The following FHL2 variants were observed in gnomAD, a reference collection of about 807,000 sequenced individuals.
FHL2 encodes the protein four and a half LIM domains protein 2.
Under a neutral mutation model 32.7 loss-of-function variants are expected in FHL2, and 20 were observed. The ratio of observed to expected loss-of-function variants is 0.61; its 90% CI spans 0.43 to 0.89. The LOEUF is 0.89. Ranked by LOEUF, FHL2 falls within the 40% of genes least tolerant of loss-of-function variation. The pLI is 0.00. For synonymous variants in FHL2, 123 were observed against 128.1 expected (o/e 0.96, Z 0.27); for missense variants, 311 against 358.6 (o/e 0.87, Z 1.07).
intron 3 of FHL2, among the ~76,000 whole-genome samples, chr2:105,384,331 G>T (rs1487743865): frequency 2.6e-5 from 4 of 152,188 alleles, no homozygotes; most frequent in Non-Finnish European, 2.9e-5. Flanking sequence ...AGAGGGTGAA[G>T]CTTCTGAAAG....
At chr2:105,401,904 T>C (rs1573383322), upstream of FHL2, among the ~76,000 whole-genome samples, 1 of 151,454 alleles carries the variant, frequency 6.6e-6, no homozygotes, top group South Asian at 2.1e-4. Flanking sequence ...GGTCATGGGG[T>C]GGAAAGGAGA....
At chr2:105,434,265 G>A (rs1032326668) in intron 1 of FHL2, among the ~76,000 whole-genome samples, 5 of 152,186 alleles carry the variant, frequency 3.3e-5, no homozygotes, top group African/African-American at 4.8e-5. Flanking sequence ...CAACTGGATC[G>A]GAAAGTACTG....
intron 1 of FHL2, among the ~76,000 whole-genome samples, chr2:105,419,264 A>G (rs1684027944): frequency 6.6e-6 from 1 of 152,148 alleles, no homozygotes. Context: ...TTACGTAAGT[A>G]AGTTCTTTAG....
intron 4 of FHL2, among the ~76,000 whole-genome samples, chr2:105,371,936 G>A (rs1262721460): frequency 1.3e-5 from 2 of 151,996 alleles, no homozygotes; most frequent in Non-Finnish European, 1.5e-5. Context: ...GCACAGCACT[G>A]GGGCCCGAGT....
At chr2:105,437,132 AC>A (rs1684636463) in intron 1 of FHL2, among the ~76,000 whole-genome samples, 1 of 152,144 alleles carries the variant, frequency 6.6e-6, no homozygotes. Context: ...CAGTCAGGGA[AC>A]CCCGTATTGG....
chr2:105,373,499 G>A (rs767256318), intron 4 of FHL2, 60 bp downstream of exon 4: 28 of 1,581,978 alleles, frequency 1.8e-5, no homozygotes, highest in African/African-American at 2.7e-5. Flanking sequence ...GGGGTCAGAG[G>A]AACGTGCACA....
intron 3 of FHL2, 23 bp downstream of exon 3, chr2:105,386,338 C>G: frequency 1.9e-6 from 3 of 1,610,228 alleles, no homozygotes; most frequent in Non-Finnish European, 1.7e-6. Flanking sequence ...CGCCGGGGAC[C>G]CGCAGAGGCC....
intron 6 of FHL2, 124 bp downstream of exon 6, chr2:105,363,161 G>T: frequency 1.2e-6 from 1 of 855,140 alleles, no homozygotes; most frequent in Non-Finnish European, 1.8e-6. Flanking sequence ...AGAAAAGTCT[G>T]CTGTGTTCAG....
rs183756866 is a variant in FHL2, at chr2:105,360,951, G to A, written c.*332C>T. 1.3e-3 allele frequency: 239 copies of A among 188,848 alleles called. No individual in the cohort carries two copies. The highest frequency in any genetic ancestry group is 2.1e-3 in the Non-Finnish European group (196 of 91,856). 11.7% of individuals were successfully genotyped at this position (188,848 alleles called of 1,614,324 possible). A position where few individuals can be genotyped will look rare whatever the true frequency, so the allele number is the denominator to read the frequency against. Reference sequence around the variant, plus strand: ...TTGAGTTTAGAAAACTTTCAAGTTCGTGACATATGTTAATTGCACTTAAAT... The same window carrying A: ...TTGAGTTTAGAAAACTTTCAAGTTCATGACATATGTTAATTGCACTTAAAT... On this transcript the variant is annotated 3_prime_UTR_variant, in exon 7 of 7. Transcript: ENST00000530340.
chr2:105,385,434 A>T (rs1682233172), intron 3 of FHL2, among the ~76,000 whole-genome samples: 1 of 152,212 alleles, frequency 6.6e-6, no homozygotes, highest in South Asian at 2.1e-4. Flanking sequence ...ACGACCAGGG[A>T]GGAGAGCAGC....
intron 3 of FHL2, chr2:105,378,447 C>A (rs1055572263): frequency 1.3e-4 from 38 of 284,992 alleles, no homozygotes; most frequent in African/African-American, 7.8e-4. Flanking sequence ...AACCATTTCG[C>A]CTTGGCTCCT....
chr2:105,408,975 G>A (rs1211240363), intron 1 of FHL2, among the ~76,000 whole-genome samples: 1 of 152,182 alleles, frequency 6.6e-6, no homozygotes, highest in Non-Finnish European at 1.5e-5. Flanking sequence ...GCTGAGCCAA[G>A]GCAGCACCAG....
chr2:105,401,392 G>A (rs1452579368), upstream of FHL2, among the ~76,000 whole-genome samples: 5 of 152,132 alleles, frequency 3.3e-5, no homozygotes, highest in Non-Finnish European at 7.4e-5. Flanking sequence ...GTGGATAATC[G>A]CTGAAGCTTG....
chr2:105,402,109 G>A (rs1226615746), upstream of FHL2, among the ~76,000 whole-genome samples: 4 of 141,896 alleles, frequency 2.8e-5, no homozygotes, highest in African/African-American at 5.3e-5. Flanking sequence ...ATATATACAC[G>A]TATATATACA....
intron 4 of FHL2, among the ~76,000 whole-genome samples, chr2:105,371,662 T>G (rs549060087): frequency 7.9e-5 from 12 of 152,158 alleles, no homozygotes; most frequent in Admixed American, 4.6e-4. Context: ...TCAAGACAGG[T>G]GAAAAATTCA....
At chr2:105,415,935 T>C (rs1452378779) in intron 1 of FHL2, among the ~76,000 whole-genome samples, 1 of 152,166 alleles carries the variant, frequency 6.6e-6, no homozygotes, top group Non-Finnish European at 1.5e-5. Flanking sequence ...ACAATAGGAA[T>C]AGATGGGGAA....
chr2:105,409,593 A>G (rs143261432), intron 1 of FHL2, among the ~76,000 whole-genome samples: 7 of 152,332 alleles, frequency 4.6e-5, no homozygotes, highest in South Asian at 2.1e-4. Context: ...CTTAGGATCA[A>G]TGCTACCATT....
intron 1 of FHL2, among the ~76,000 whole-genome samples, chr2:105,413,516 C>T (rs995119487): frequency 3.3e-5 from 5 of 152,108 alleles, no homozygotes; most frequent in Non-Finnish European, 2.9e-5. Flanking sequence ...CAGGGTTACC[C>T]GGGCTGGAGT....
chr2:105,366,785 G>A (rs553353839), intron 5 of FHL2, among the ~76,000 whole-genome samples: 42 of 152,182 alleles, frequency 2.8e-4, no homozygotes, highest in African/African-American at 7.7e-4. Context: ...TCGCTCAGTC[G>A]CCCAGGCTGG....
Sources: gnomAD v4.1 joint callset for allele counts (sites outside exome capture counted in the v4.1 genomes callset) on GRCh38, gnomAD v4.1.1 for gene constraint, MANE v1.5 for transcripts, NCBI Gene and HGNC (gene_info 2026-07-23, HGNC 2026-07-21) for gene names.